The following ROR2 variants were observed in gnomAD, a reference collection of about 807,000 sequenced individuals.
ROR2 encodes the protein ROR family WNT receptor 2.
ROR2 carries 33 observed loss-of-function variants against 74.9 expected under a neutral mutation model. The observed-to-expected ratio is 0.44, with a 90% CI of 0.33 to 0.59. The LOEUF (loss-of-function observed/expected upper bound fraction) is 0.59. ROR2 is among the 20% of genes least tolerant of loss of function. The pLI, the probability that ROR2 is intolerant of heterozygous loss-of-function variation, is 0.02. For synonymous variants in ROR2, 586 were observed against 558.7 expected, an observed-to-expected ratio of 1.05 and a Z score of -0.69; for missense variants, 1,216 against 1,313.8, an observed-to-expected ratio of 0.93 and a Z score of 1.15.
At chr9:91,873,467 A>G (rs1172102505) in intron 1 of ROR2, among the ~76,000 whole-genome samples, 1 of 152,170 alleles carries the variant, frequency 6.6e-6, no homozygotes, top group Non-Finnish European at 1.5e-5. Context: ...GGGCGCCTAC[A>G]TTCCCAGCTA....
chr9:91,816,877 T>TG (rs1827958040), intron 1 of ROR2, among the ~76,000 whole-genome samples: 1 of 152,178 alleles, frequency 6.6e-6, no homozygotes, highest in Middle Eastern at 3.4e-3. Flanking sequence ...ACAAGACACT[T>TG]GGAGAGAAAG....
intron 1 of ROR2, among the ~76,000 whole-genome samples, chr9:91,903,383 A>T (rs555671020): frequency 1.3e-5 from 2 of 152,236 alleles, no homozygotes; most frequent in African/African-American, 4.8e-5. Flanking sequence ...CCCATCGGGC[A>T]TCAACTCACT....
At chr9:91,753,044 G>A (rs907604067) in intron 4 of ROR2, among the ~76,000 whole-genome samples, 2 of 152,112 alleles carry the variant, frequency 1.3e-5, no homozygotes, top group African/African-American at 4.8e-5. Flanking sequence ...AAGGAAAGTA[G>A]TCCTTGATAA....
intron 1 of ROR2, among the ~76,000 whole-genome samples, chr9:91,838,993 A>C (rs894600966): frequency 6.6e-5 from 10 of 152,172 alleles, no homozygotes; most frequent in African/African-American, 2.4e-4. Context: ...CTAACAACGG[A>C]ATCCTGGGCA....
chr9:91,794,848 G>A (rs761240141), intron 1 of ROR2, among the ~76,000 whole-genome samples: 41 of 152,194 alleles, frequency 2.7e-4, no homozygotes, highest in Non-Finnish European at 4.6e-4. Context: ...TAGGCCAGGC[G>A]CAGTGGCTCA....
At chr9:91,788,613 C>A (rs1439266650) in intron 1 of ROR2, among the ~76,000 whole-genome samples, 2 of 152,028 alleles carry the variant, frequency 1.3e-5, no homozygotes, top group Non-Finnish European at 2.9e-5. Flanking sequence ...TCCTGTAATC[C>A]CAGCACTTCG....
intron 1 of ROR2, among the ~76,000 whole-genome samples, chr9:91,908,888 G>A (rs1395541378): frequency 6.7e-6 from 1 of 148,182 alleles, no homozygotes; most frequent in Non-Finnish European, 1.5e-5. Context: ...CTGACACTTT[G>A]AACAGTTAAA....
intron 1 of ROR2, among the ~76,000 whole-genome samples, chr9:91,889,167 G>T (rs965707262): frequency 6.6e-6 from 1 of 152,176 alleles, no homozygotes; most frequent in African/African-American, 2.4e-5. Flanking sequence ...GACACTTCCT[G>T]AGAGTGGGAA....
rs374418629 is a variant in ROR2, at chr9:91,932,386, C to T, written c.97+17481G>A. Among the ~76,000 whole-genome samples the T allele has an allele frequency of 4.1e-4, 62 of 151,870 alleles. 1 individual carries two copies. In the South Asian group the frequency reaches 0.011, roughly 27 times the overall value. On this transcript the variant is annotated intron_variant, in intron 1 of 8. Coordinates refer to ENST00000375708, the MANE Select transcript of ROR2 (RefSeq NM_004560.4). ...TATCATAAAAAAAATCAAAGGAGAACGTGAGGAAAAAAACACGTTCACAGA... is the reference window on the plus strand; with the variant it reads ...TATCATAAAAAAAATCAAAGGAGAATGTGAGGAAAAAAACACGTTCACAGA...
At chr9:91,852,948 C>T (rs10992134) in intron 1 of ROR2, among the ~76,000 whole-genome samples, 65,648 of 152,152 alleles carry the variant, frequency 0.43, 15,567 homozygotes, top group African/African-American at 0.61. Context: ...TCGCCACCTT[C>T]CTTGCTCCCT....
chr9:91,812,421 T>C (rs1296433289), intron 1 of ROR2, among the ~76,000 whole-genome samples: 1 of 151,944 alleles, frequency 6.6e-6, no homozygotes, highest in East Asian at 1.9e-4. Flanking sequence ...GGAGGGGGGA[T>C]GTCAGGGGAG....
intron 1 of ROR2, among the ~76,000 whole-genome samples, chr9:91,867,093 G>A (rs373460275): frequency 6.3e-4 from 96 of 152,302 alleles, no homozygotes; most frequent in African/African-American, 2.2e-3. Context: ...AACCTGGAAC[G>A]AATAGGGGAG....
At position 91,892,773 on chromosome 9, in the gene ROR2, G is replaced by C. The variant is rs1012425257; in HGVS notation, c.97+57094C>G. ...CCCGGCTAATTTTTGTATTTTTTTAGTAGAGACGGGGTTTCACCATGTTGG... is the reference window on the plus strand; with the variant it reads ...CCCGGCTAATTTTTGTATTTTTTTACTAGAGACGGGGTTTCACCATGTTGG... On this transcript the variant is annotated intron_variant, in intron 1 of 8. Coordinates refer to ENST00000375708, the MANE Select transcript of ROR2 (RefSeq NM_004560.4). 8.6e-5 allele frequency among the ~76,000 whole-genome samples: 13 copies of C among 151,616 alleles called. No individual in the cohort carries two copies. In the East Asian group the frequency reaches 2.3e-3, roughly 27 times the overall value.
At chr9:91,850,726 C>A (rs1004295321) in intron 1 of ROR2, among the ~76,000 whole-genome samples, 1 of 152,190 alleles carries the variant, frequency 6.6e-6, no homozygotes, top group Non-Finnish European at 1.5e-5. Context: ...TAACGTAACT[C>A]GCAAAGATGA....
chr9:91,827,023 C>T (rs1467321454), intron 1 of ROR2, among the ~76,000 whole-genome samples: 2 of 152,124 alleles, frequency 1.3e-5, no homozygotes, highest in Non-Finnish European at 2.9e-5. Context: ...AAAGCATTGA[C>T]GCATGGCCTT....
intron 1 of ROR2, among the ~76,000 whole-genome samples, chr9:91,911,971 A>C (rs1263763188): frequency 6.6e-6 from 1 of 150,976 alleles, no homozygotes; most frequent in African/African-American, 2.4e-5. Flanking sequence ...ACCCAAATTA[A>C]AGGACATTCA....
intron 1 of ROR2, among the ~76,000 whole-genome samples, chr9:91,834,735 C>A (rs1202294084): frequency 6.6e-6 from 1 of 152,192 alleles, no homozygotes; most frequent in African/African-American, 2.4e-5. Context: ...AGAGCTCTTG[C>A]GATTTTAAAG....
At chr9:91,792,572 T>G (rs1827036047) in intron 1 of ROR2, among the ~76,000 whole-genome samples, 1 of 152,200 alleles carries the variant, frequency 6.6e-6, no homozygotes, top group Admixed American at 6.5e-5. Flanking sequence ...CCTCCCAAAG[T>G]GCTGGGATTA....
chr9:91,784,889 T>C (rs371996987), intron 1 of ROR2, among the ~76,000 whole-genome samples: 2 of 152,210 alleles, frequency 1.3e-5, no homozygotes, highest in African/African-American at 4.8e-5. Flanking sequence ...CTGTCTCGCC[T>C]TCATGGGGCC....
Sources: gnomAD v4.1 joint callset for allele counts (sites outside exome capture counted in the v4.1 genomes callset) on GRCh38, gnomAD v4.1.1 for gene constraint, MANE v1.5 for transcripts, NCBI Gene and HGNC (gene_info 2026-07-23, HGNC 2026-07-21) for gene names.